DCDC1: variants seen among roughly 807,000 people sequenced by gnomAD.
DCDC1 encodes the protein doublecortin domain containing 1, also known as doublecortin domain-containing protein 1.
Under a neutral mutation model 178.3 loss-of-function variants are expected in DCDC1, and 200 were observed. That is an observed-to-expected ratio of 1.12 (90% CI 1.00 to 1.26). The LOEUF (loss-of-function observed/expected upper bound fraction) is 1.26. Ranked by LOEUF, DCDC1 falls within the 50% of genes most tolerant of loss-of-function variation. The pLI, the probability that DCDC1 is intolerant of heterozygous loss-of-function variation, is 0.00. For missense variants in DCDC1, 1,983 were observed against 1,749.2 expected (o/e 1.13, Z -2.38); for synonymous variants, 690 against 604.8 (o/e 1.14, Z -2.07).
At chr11:30,888,114 G>GAAAGA (rs1554959027) in intron 36 of DCDC1, among the ~76,000 whole-genome samples, 2 of 125,178 alleles carry the variant, frequency 1.6e-5, no homozygotes, top group African/African-American at 3.2e-5. Context: ...AAGAAAGAAA[G>GAAAGA]AAAGAAAGAA....
chr11:31,271,763 G>A (rs1181697012), intron 7 of DCDC1, among the ~76,000 whole-genome samples: 1 of 152,154 alleles, frequency 6.6e-6, no homozygotes, highest in East Asian at 1.9e-4. Flanking sequence ...CATGGCTGGA[G>A]AGGCCTCACA....
At chr11:31,150,560 A>G (rs1965058725) in intron 9 of DCDC1, among the ~76,000 whole-genome samples, 1 of 152,154 alleles carries the variant, frequency 6.6e-6, no homozygotes, top group Non-Finnish European at 1.5e-5. Flanking sequence ...TTACTCAACT[A>G]AATTTTCTAC....
intron 9 of DCDC1, among the ~76,000 whole-genome samples, chr11:31,144,305 T>A (rs208106): frequency 0.57 from 85,446 of 150,684 alleles, 24,982 homozygotes; most frequent in East Asian, 0.93. Context: ...TGGCTAATAT[T>A]TTTTTTTTTT....
In DCDC1 at chr11:30,917,019, G is replaced by A. The variant is rs756831734; in HGVS notation, c.3303C>T (p.His1101=). Residue 1101 remains histidine (H), a synonymous_variant, in exon 26 of 39, where the codon CAC becomes CAT. Coordinates refer to ENST00000684477, the MANE Select transcript of DCDC1 (RefSeq NM_001387274.1). ...CCTTCATTCGAAGATGAGCTCTTAC[G>A]TGTGAATCTCTATCAAGGTTCAGAA... ...ENASSEILDS[H]VRAHLRMKAC... 3.1e-6 allele frequency: 5 copies of A among 1,594,048 alleles called. 1 individual carries two copies. The highest frequency in any genetic ancestry group is 3.5e-5 in the Admixed American group (2 of 56,340).
chr11:31,305,766 C>A lies in DCDC1; in HGVS notation c.603G>T (p.Glu201Asp), dbSNP rs780210616. The change falls in exon 6 of 39, where the codon GAG (glutamate) becomes GAT (aspartate). Residue 201 changes from glutamate to aspartate, a missense_variant. Coordinates refer to ENST00000684477, the MANE Select transcript of DCDC1 (RefSeq NM_001387274.1). ...TVPTITLLLE[E>D]CTEKLNLNMA... ...TGTTCAGATTCAGCTTTTCTGTGCA[C>A]TCCTCCAGCAGCTAGAAGAAAGCAA... The A allele has an allele frequency of 7.1e-5, 114 of 1,613,284 alleles. No homozygotes were observed. Among genetic ancestry groups the A allele is most frequent in the Non-Finnish European group, 9.2e-5 (109 of 1,179,724 alleles).
chr11:31,225,501 T>C (rs1974814829), intron 9 of DCDC1, among the ~76,000 whole-genome samples: 2 of 150,802 alleles, frequency 1.3e-5, no homozygotes, highest in Non-Finnish European at 3.0e-5. Context: ...AGCTACCTTT[T>C]CCCCAAAAAA....
chr11:31,217,266 A>T (rs1012219466), intron 9 of DCDC1, among the ~76,000 whole-genome samples: 10 of 152,206 alleles, frequency 6.6e-5, no homozygotes, highest in Non-Finnish European at 1.2e-4. Context: ...GCATATTTGA[A>T]AATAGGTAAG....
At chr11:31,329,496 C>T (rs1424181578) in intron 2 of DCDC1, among the ~76,000 whole-genome samples, 1 of 152,064 alleles carries the variant, frequency 6.6e-6, no homozygotes, top group Non-Finnish European at 1.5e-5. Flanking sequence ...TTGCTGTACC[C>T]ATTAACTTGT....
At chr11:31,252,054 T>C (rs1179498358) in intron 8 of DCDC1, among the ~76,000 whole-genome samples, 3 of 152,168 alleles carry the variant, frequency 2.0e-5, no homozygotes, top group South Asian at 2.1e-4. Context: ...AATAGAATGA[T>C]AAAATTAAAA....
intron 38 of DCDC1, among the ~76,000 whole-genome samples, chr11:30,869,233 T>A (rs535662299): frequency 1.3e-5 from 2 of 152,362 alleles, no homozygotes; most frequent in South Asian, 4.1e-4. Context: ...ATTTAGTCAG[T>A]CTATACTGTC....
intron 10 of DCDC1, among the ~76,000 whole-genome samples, chr11:31,132,406 T>C (rs1962553395): frequency 6.6e-6 from 1 of 152,242 alleles, no homozygotes; most frequent in African/African-American, 2.4e-5. Flanking sequence ...GGTAATATAA[T>C]ACTCATGAAT....
At chr11:31,268,596 T>C (rs1035419224) in intron 7 of DCDC1, among the ~76,000 whole-genome samples, 8 of 152,246 alleles carry the variant, frequency 5.3e-5, no homozygotes, top group African/African-American at 1.9e-4. Context: ...GGTGCATATG[T>C]ACCACATTTT....
At chr11:31,114,984 C>A (rs1326173198) in intron 11 of DCDC1, among the ~76,000 whole-genome samples, 1 of 151,976 alleles carries the variant, frequency 6.6e-6, no homozygotes, top group Non-Finnish European at 1.5e-5. Flanking sequence ...ATTAGCAGGA[C>A]TGGAAAATAA....
chr11:31,025,377 T>C (rs1185458557), intron 20 of DCDC1, among the ~76,000 whole-genome samples: 1 of 151,764 alleles, frequency 6.6e-6, no homozygotes, highest in African/African-American at 2.4e-5. Flanking sequence ...AATATCTACA[T>C]ATATTTCAGA....
chr11:31,000,725 A>G (rs1352624248), intron 20 of DCDC1, among the ~76,000 whole-genome samples: 1 of 151,910 alleles, frequency 6.6e-6, no homozygotes, highest in Non-Finnish European at 1.5e-5. Context: ...TTCTAATACT[A>G]TGTTTAAAAA....
chr11:30,937,010 G>A (rs1489226316), intron 21 of DCDC1, among the ~76,000 whole-genome samples: 1 of 152,030 alleles, frequency 6.6e-6, no homozygotes, highest in African/African-American at 2.4e-5. Context: ...CACACAAGGG[G>A]ATTAATTTTT....
At chr11:31,119,602 C>A (rs1281553012) in intron 11 of DCDC1, among the ~76,000 whole-genome samples, 2 of 152,140 alleles carry the variant, frequency 1.3e-5, no homozygotes, top group African/African-American at 2.4e-5. Flanking sequence ...CCTTAGTTAT[C>A]ATTTAATTGT....
Position 31,307,888 on chromosome 11 carries a change from G to A in DCDC1, c.185C>T (p.Ala62Val), listed in dbSNP as rs769973891. 1.2e-6 allele frequency: 2 copies of A among 1,613,980 alleles called. No individual in the cohort carries two copies. Among genetic ancestry groups the A allele is most frequent in the East Asian group, 2.2e-5 (1 of 44,886 alleles). The change falls in exon 4 of 39, where the codon GCA (alanine) becomes GTA (valine). Residue 62 changes from alanine (A) to valine (V), a missense_variant. Transcript: ENST00000684477. ...ATCAGTAGTTTTAATAACTGCTTTT[G>A]CCTGGGATGACATAAACTCTCTGGA... ...DLPREFMSSQ[A>V]KAVIKTTDDY...
chr11:30,958,704 T>C (rs1948908299), intron 20 of DCDC1, among the ~76,000 whole-genome samples: 1 of 152,166 alleles, frequency 6.6e-6, no homozygotes, highest in Non-Finnish European at 1.5e-5. Flanking sequence ...TTGCCATCAC[T>C]TTCAAAAAGC....
Sources: gnomAD v4.1 joint callset for allele counts (sites outside exome capture counted in the v4.1 genomes callset) on GRCh38, gnomAD v4.1.1 for gene constraint, MANE v1.5 for transcripts, NCBI Gene and HGNC (gene_info 2026-07-23, HGNC 2026-07-21) for gene names.